ABCC2: variants seen among roughly 807,000 people sequenced by gnomAD.
ABCC2 encodes ATP binding cassette subfamily C member 2, also known as ATP-binding cassette sub-family C member 2.
Under a neutral mutation model 173.4 loss-of-function variants are expected in ABCC2, and 157 were observed. The ratio of observed to expected loss-of-function variants is 0.91; its 90% CI spans 0.80 to 1.03. ABCC2 has a LOEUF of 1.03. Among genes scored for constraint, ABCC2 ranks in the 50% least tolerant of loss-of-function variants. The probability of loss-of-function intolerance (pLI) is 0.00; values close to 1 mark genes in which losing one functional copy is unlikely to be tolerated. For missense variants in ABCC2, 1,822 were observed against 1,852.3 expected, an observed-to-expected ratio of 0.98 and a Z score of 0.30; for synonymous variants, 657 against 693.5, an observed-to-expected ratio of 0.95 and a Z score of 0.83.
chr10:99,828,653 A>G (rs2038686790), intron 19 of ABCC2, among the ~76,000 whole-genome samples: 2 of 151,930 alleles, frequency 1.3e-5, no homozygotes, highest in Non-Finnish European at 2.9e-5. Context: ...TGTCATTGTC[A>G]TGTGTGACCA....
chr10:99,836,425 G>A, intron 25 of ABCC2, 135 bp downstream of exon 25: 2 of 961,426 alleles, frequency 2.1e-6, no homozygotes, highest in Non-Finnish European at 3.2e-6. Context: ...CTATGTAAGT[G>A]GAGAGAAGAA....
At chr10:99,787,289 A>T (rs2037730443) in intron 2 of ABCC2, among the ~76,000 whole-genome samples, 1 of 152,214 alleles carries the variant, frequency 6.6e-6, no homozygotes, top group African/African-American at 2.4e-5. Context: ...AGCAACCGCT[A>T]AATCTCTTTT....
At position 99,796,980 on chromosome 10, in the gene ABCC2, T is replaced by C. The variant is rs1167071477; in HGVS notation, c.633-117T>C. ...AGTTCAAAGGGCCAGGAGATGGGGA[T>C]AGTCCCATTCTTCTGTCCCTCTATC... On this transcript the variant is annotated intron_variant, in intron 6 of 31. Transcript: ENST00000647814. The C allele has an allele frequency of 2.3e-5, 20 of 866,074 alleles. No individual in the cohort carries two copies. In the East Asian group the frequency reaches 5.2e-4, roughly 22 times the overall value. The allele number at this position is 866,074 out of a possible 1,614,324, so 53.6% of individuals were successfully genotyped here.
chr10:99,791,392 AGTGAGACTCC>A (rs2037809819), intron 2 of ABCC2, among the ~76,000 whole-genome samples: 2 of 152,344 alleles, frequency 1.3e-5, no homozygotes, highest in African/African-American at 4.8e-5. Flanking sequence ...TGGGCAACAG[AGTGAGACTCC>A]GTCTCAAAAC....
At chr10:99,829,462 C>T (rs2038701817) in intron 19 of ABCC2, among the ~76,000 whole-genome samples, 1 of 151,928 alleles carries the variant, frequency 6.6e-6, no homozygotes, top group Non-Finnish European at 1.5e-5. Context: ...CATTTTTAAT[C>T]ATTATTCTAA....
chr10:99,784,930 G>C (rs1331236960), intron 2 of ABCC2, 149 bp downstream of exon 2: 2 of 952,994 alleles, frequency 2.1e-6, no homozygotes, highest in Non-Finnish European at 3.1e-6. Flanking sequence ...TTTCCCTCAC[G>C]GGTCCCTTGC....
At chr10:99,785,042 T>C (rs1035495740) in intron 2 of ABCC2, among the ~76,000 whole-genome samples, 8 of 152,158 alleles carry the variant, frequency 5.3e-5, no homozygotes, top group African/African-American at 1.9e-4. Flanking sequence ...ATATAATCAA[T>C]CAAATTATCT....
At chr10:99,846,866 C>T in intron 29 of ABCC2, 95 bp from the exon 30 acceptor site, 1 of 1,522,808 alleles carries the variant, frequency 6.6e-7, no homozygotes, top group Non-Finnish European at 9.1e-7. Context: ...GAATCCATCT[C>T]AGGCCAGTCC....
intron 8 of ABCC2, 38 bp downstream of exon 8, chr10:99,799,408 C>T: frequency 6.2e-7 from 1 of 1,608,818 alleles, no homozygotes; most frequent in Non-Finnish European, 8.5e-7. Flanking sequence ...TTCAGGGCCT[C>T]CTCTGCCACC....
At chr10:99,796,495 C>G (rs988141750) in intron 6 of ABCC2, among the ~76,000 whole-genome samples, 4 of 152,126 alleles carry the variant, frequency 2.6e-5, no homozygotes, top group Admixed American at 2.6e-4. Context: ...AAGATCGCAA[C>G]TCCGTCTCAA....
rs993920774 is a variant in ABCC2, at chr10:99,845,013, TTTTC to T, written c.3987+552_3987+555del. The stretch of plus-strand genomic sequence containing the variant: ...TCACTTCTAAACAAGCATTTTTCTT[TTTTC>T]TTTATTTTTATTTATTTATTTATTT... On this transcript the variant is annotated intron_variant, in intron 28 of 31. Coordinates refer to ENST00000647814, the MANE Select transcript of ABCC2 (RefSeq NM_000392.5). Among the ~76,000 whole-genome samples, 16 of 152,036 alleles carry T rather than the reference TTTTC, an allele frequency of 1.1e-4. 1 individual carries two copies. Among genetic ancestry groups the T allele is most frequent in the South Asian group, 2.1e-4 (1 of 4,822 alleles).
intron 19 of ABCC2, among the ~76,000 whole-genome samples, chr10:99,820,897 A>G (rs1029801669): frequency 6.6e-6 from 1 of 152,202 alleles, no homozygotes; most frequent in Non-Finnish European, 1.5e-5. Flanking sequence ...ACACAGAGAC[A>G]AAGTATAGAG....
chr10:99,804,118 T>A lies in ABCC2; in HGVS notation c.1309T>A (p.Phe437Ile), dbSNP rs749708368. The change falls in exon 10 of 32, where the codon TTC becomes ATC. Residue 437 changes from phenylalanine to isoleucine, a missense_variant. Coordinates refer to ENST00000647814, the MANE Select transcript of ABCC2 (RefSeq NM_000392.5). The part of the protein sequence containing the change: ...DAQKLMDVTN[F>I]MHMLWSSVLQ... ...CCAGAAGCTCATGGATGTGACCAACTTCATGCACATGCTGTGGTCAAGTGT... is the reference window on the plus strand; with the variant it reads ...CCAGAAGCTCATGGATGTGACCAACATCATGCACATGCTGTGGTCAAGTGT... 3.7e-6 allele frequency: 6 copies of A among 1,614,048 alleles called. No individual in the cohort carries two copies. The highest frequency in any genetic ancestry group is 1.6e-4 in the Middle Eastern group (1 of 6,084).
chr10:99,810,236 T>C lies in ABCC2; in HGVS notation c.1900+18T>C. ...CAATTTTGGTAAATAAATTTGGAAG[T>C]TGCTTCCCAAACTTATTCGCAGTAC... On this transcript the variant is annotated intron_variant, in intron 14 of 31. Transcript: ENST00000647814. 6.2e-7 allele frequency: 1 copy of C among 1,608,418 alleles called. No individual in the cohort carries two copies. The highest frequency in any genetic ancestry group is 2.2e-5 in the East Asian group (1 of 44,818).
chr10:99,849,807 CCT>C (rs2039064382), intron 30 of ABCC2, among the ~76,000 whole-genome samples: 1 of 152,194 alleles, frequency 6.6e-6, no homozygotes, highest in Admixed American at 6.5e-5. Flanking sequence ...TTGGCCACCC[CCT>C]GTTTAATATG....
chr10:99,851,833 G>A lies in ABCC2; in HGVS notation c.*202G>A, dbSNP rs1249725101. 1.6e-5 allele frequency: 8 copies of A among 491,064 alleles called. No individual in the cohort carries two copies. In the South Asian group the frequency reaches 1.6e-4, roughly 10 times the overall value. The allele number at this position is 491,064 out of a possible 1,614,324, so 30.4% of individuals were successfully genotyped here. On this transcript the variant is annotated 3_prime_UTR_variant, in exon 32 of 32. Coordinates refer to ENST00000647814, the MANE Select transcript of ABCC2 (RefSeq NM_000392.5). ...GAGAAACCCCTCGATTGTCTACCTC[G>A]ATCGTACTTCCTTGCTACCCACCCC...
At chr10:99,823,611 G>C (rs187993913) in intron 19 of ABCC2, among the ~76,000 whole-genome samples, 132 of 147,854 alleles carry the variant, frequency 8.9e-4, no homozygotes, top group Non-Finnish European at 9.5e-4. Flanking sequence ...TCGTTCCTTC[G>C]GCCCTGTGTA....
chr10:99,811,507 T>C, intron 14 of ABCC2, 29 bp from the exon 15 acceptor site: 1 of 1,612,966 alleles, frequency 6.2e-7, no homozygotes, highest in Non-Finnish European at 8.5e-7. Flanking sequence ...GGACCTACAT[T>C]GGACTAAAAG....
Position 99,845,767 on chromosome 10 carries a change from G to T in ABCC2, c.4131G>T (p.Leu1377=), listed in dbSNP as rs2039007547. The change falls in exon 29 of 32, where the codon CTG becomes CTT. Residue 1377 remains leucine (L), a synonymous_variant. Transcript: ENST00000647814. ...GGCTCCACGACCTCCGAGAGAAGCTGACCATCATCCCCCAGGTGAGCTCTA... is the reference window on the plus strand; with the variant it reads ...GGCTCCACGACCTCCGAGAGAAGCTTACCATCATCCCCCAGGTGAGCTCTA... ...SIGLHDLREK[L]TIIPQDPILF... The T allele has an allele frequency of 6.2e-7, 1 of 1,612,322 alleles. No individual in the cohort carries two copies. Among genetic ancestry groups the T allele is most frequent in the South Asian group, 1.1e-5 (1 of 90,548 alleles).
Sources: gnomAD v4.1 joint callset for allele counts (sites outside exome capture counted in the v4.1 genomes callset) on GRCh38, gnomAD v4.1.1 for gene constraint, MANE v1.5 for transcripts, NCBI Gene and HGNC (gene_info 2026-07-23, HGNC 2026-07-21) for gene names.